Variants in UGGT2 observed in about 807,000 individuals in gnomAD.
UGGT2 encodes the protein UDP-glucose:glycoprotein glucosyltransferase 2.
UGGT2 carries 180 observed loss-of-function variants against 192.1 expected under a neutral mutation model. The ratio of observed to expected loss-of-function variants is 0.94; its 90% CI spans 0.83 to 1.06. The LOEUF (loss-of-function observed/expected upper bound fraction) is 1.06, where lower values mean the gene tolerates loss of function less well. UGGT2 is among the 50% of genes least tolerant of loss of function. The pLI, the probability that UGGT2 is intolerant of heterozygous loss-of-function variation, is 0.00. For synonymous variants in UGGT2, 580 were observed against 591.0 expected (o/e 0.98, Z 0.27); for missense variants, 1,849 against 1,795.7 (o/e 1.03, Z -0.54).
At chr13:95,999,489 G>C (rs1368746093) in intron 5 of UGGT2, among the ~76,000 whole-genome samples, 182 bp from the exon 6 acceptor site, 2 of 152,078 alleles carry the variant, frequency 1.3e-5, no homozygotes, top group Non-Finnish European at 2.9e-5. Context: ...CTAGAATTTG[G>C]TTAATGACTA....
At chr13:95,990,719 A>G (rs2051429744) in intron 7 of UGGT2, 1 of 152,146 alleles carries the variant, frequency 6.6e-6, no homozygotes, top group African/African-American at 2.4e-5. Context: ...ACAACTTACA[A>G]AATACATATT....
At chr13:95,910,881 A>T (rs1299627263) in intron 20 of UGGT2, among the ~76,000 whole-genome samples, 1 of 152,190 alleles carries the variant, frequency 6.6e-6, no homozygotes, top group East Asian at 1.9e-4. Flanking sequence ...AAATCACAAC[A>T]AACTGTCTCT....
At position 96,038,301 on chromosome 13, in the gene UGGT2, A is replaced by C. The variant is rs570401631; in HGVS notation, c.159-6330T>G. Among the ~76,000 whole-genome samples, 121 of 152,346 alleles carry C rather than the reference A, an allele frequency of 7.9e-4. 2 individuals are homozygous for C. In the South Asian group the frequency reaches 0.024, roughly 31 times the overall value. Reference sequence around the variant, plus strand: ...TTGTCTCTGAAGCTCACCTTTTAACAACAGAGATTAGCATATATGATACCT... The same window carrying C: ...TTGTCTCTGAAGCTCACCTTTTAACCACAGAGATTAGCATATATGATACCT... On this transcript the variant is annotated intron_variant, in intron 1 of 38. Transcript: ENST00000376747.
intron 10 of UGGT2, among the ~76,000 whole-genome samples, chr13:95,980,687 T>C (rs186934389): frequency 4.5e-4 from 68 of 152,292 alleles, no homozygotes; most frequent in Non-Finnish European, 7.1e-4. Flanking sequence ...AGTGGGAAGA[T>C]GGAGCAGCCC....
intron 38 of UGGT2, among the ~76,000 whole-genome samples, chr13:95,820,388 C>T (rs1227504414): frequency 6.6e-6 from 1 of 151,848 alleles, no homozygotes; most frequent in Non-Finnish European, 1.5e-5. Context: ...TGTTCCAGAG[C>T]ACAAAAAAGG....
chr13:95,857,036 T>C (rs1419523348), intron 33 of UGGT2, among the ~76,000 whole-genome samples: 1 of 152,102 alleles, frequency 6.6e-6, no homozygotes, highest in Admixed American at 6.6e-5. Context: ...AATTAATAAA[T>C]ATAGAATTTG....
At chr13:96,022,981 T>C (rs1173107340) in intron 4 of UGGT2, 59 bp downstream of exon 4, 1 of 1,224,356 alleles carries the variant, frequency 8.2e-7, no homozygotes, top group Non-Finnish European at 1.1e-6. Flanking sequence ...AAGAAGTTTC[T>C]GCTATTGAAC....
intron 20 of UGGT2, among the ~76,000 whole-genome samples, chr13:95,909,761 T>C (rs2048419441): frequency 1.5e-5 from 1 of 65,742 alleles, no homozygotes; most frequent in African/African-American, 6.2e-5. Flanking sequence ...ATAATAATAA[T>C]AATAATAATA....
chr13:95,983,856 GT>G lies in UGGT2; in HGVS notation c.1039del (p.Thr347ProfsTer5). ...CATATGTTGATTTACAGCAATTCTG[GT>G]TAGAGATCTGGAAAAATGAATACTA... ...QNFPIKARSL[T>X]RIAVNQHMRE... On this transcript the variant is annotated frameshift_variant, in exon 10 of 39. Transcript: ENST00000376747. LOFTEE classifies it high-confidence loss of function. 6.4e-7 allele frequency: 1 copy of G among 1,565,036 alleles called. No homozygotes were observed. The highest frequency in any genetic ancestry group is 1.2e-5 in the South Asian group (1 of 83,930).
intron 38 of UGGT2, among the ~76,000 whole-genome samples, chr13:95,822,955 T>C (rs1389295412): frequency 6.6e-6 from 1 of 152,120 alleles, no homozygotes; most frequent in East Asian, 1.9e-4. Context: ...GCACTGCTTT[T>C]GTTGTATTCC....
At chr13:95,851,861 C>T (rs1889085487) in intron 36 of UGGT2, among the ~76,000 whole-genome samples, 1 of 152,086 alleles carries the variant, frequency 6.6e-6, no homozygotes, top group African/African-American at 2.4e-5. Context: ...TAACAGGCAA[C>T]TTCATAGACT....
chr13:95,872,647 ATAAG>A (rs773605897), intron 29 of UGGT2, among the ~76,000 whole-genome samples: 15 of 152,154 alleles, frequency 9.9e-5, no homozygotes, highest in Non-Finnish European at 1.8e-4. Context: ...TTTATTGTTT[ATAAG>A]TAATACAAAC....
intron 36 of UGGT2, among the ~76,000 whole-genome samples, chr13:95,844,899 T>C (rs1434690053): frequency 6.6e-6 from 1 of 152,234 alleles, no homozygotes; most frequent in Admixed American, 6.5e-5. Flanking sequence ...AGTCTTTGAT[T>C]ATTAAGTATG....
At chr13:95,845,924 A>G (rs1338372294) in intron 36 of UGGT2, among the ~76,000 whole-genome samples, 1 of 132,102 alleles carries the variant, frequency 7.6e-6, no homozygotes, top group Non-Finnish European at 1.6e-5. Flanking sequence ...GGGGAGAGGG[A>G]CTCCTCACTT....
chr13:95,985,413 A>G (rs1360558936), intron 9 of UGGT2: 1 of 402,326 alleles, frequency 2.5e-6, no homozygotes, highest in Non-Finnish European at 4.2e-6. Context: ...CCAACCATGT[A>G]CTATTTATTT....
chr13:95,940,120 TTTC>T (rs1294715148), intron 15 of UGGT2, 29 bp from the exon 16 acceptor site: 1 of 1,399,176 alleles, frequency 7.1e-7, no homozygotes, highest in African/African-American at 1.5e-5. Context: ...TATAATTAAT[TTTC>T]TTCTTATAGC....
intron 9 of UGGT2, chr13:95,985,052 T>C (rs1346798084): frequency 5.6e-6 from 1 of 177,120 alleles, no homozygotes; most frequent in Non-Finnish European, 1.2e-5. Context: ...TTTTCTTAAT[T>C]ACAGATTAAC....
intron 17 of UGGT2, among the ~76,000 whole-genome samples, chr13:95,930,295 T>C (rs928787607): frequency 6.6e-6 from 1 of 152,226 alleles, no homozygotes; most frequent in African/African-American, 2.4e-5. Flanking sequence ...CAAATTTTTG[T>C]TTTTGATGCA....
chr13:95,904,255 C>A (rs893147938), intron 20 of UGGT2, among the ~76,000 whole-genome samples: 2 of 151,766 alleles, frequency 1.3e-5, no homozygotes, highest in African/African-American at 2.4e-5. Flanking sequence ...ATTTTAGAAA[C>A]CTTTCTCTAC....
Sources: gnomAD v4.1 joint callset for allele counts (sites outside exome capture counted in the v4.1 genomes callset) on GRCh38, gnomAD v4.1.1 for gene constraint, MANE v1.5 for transcripts, NCBI Gene and HGNC (gene_info 2026-07-23, HGNC 2026-07-21) for gene names.